DENND10: variants seen among roughly 807,000 people sequenced by gnomAD.
The protein encoded by DENND10 is DENN domain containing 10.
Under a neutral mutation model 43.6 loss-of-function variants are expected in DENND10, and 24 were observed. That is an observed-to-expected ratio of 0.55 (90% CI 0.40 to 0.77). The LOEUF is 0.77. Ranked by LOEUF, DENND10 falls within the 30% of genes least tolerant of loss-of-function variation. The probability of loss-of-function intolerance (pLI) is 0.00; values close to 1 mark genes in which losing one functional copy is unlikely to be tolerated. For synonymous variants in DENND10, 125 were observed against 157.6 expected, an observed-to-expected ratio of 0.79 and a Z score of 1.55; for missense variants, 303 against 429.9, an observed-to-expected ratio of 0.70 and a Z score of 2.61.
At chr10:119,130,545 G>T (rs1846034957) in intron 7 of DENND10, among the ~76,000 whole-genome samples, 1 of 152,194 alleles carries the variant, frequency 6.6e-6, no homozygotes, top group South Asian at 2.1e-4. Flanking sequence ...TGATCCACTG[G>T]CCTCAGCCTC....
chr10:119,124,922 T>C (rs1845757153), intron 6 of DENND10, among the ~76,000 whole-genome samples: 1 of 152,082 alleles, frequency 6.6e-6, no homozygotes, highest in African/African-American at 2.4e-5. Context: ...AAAATAAAAT[T>C]TAAAAAATGC....
intron 5 of DENND10, 38 bp from the exon 6 acceptor site, chr10:119,123,431 G>C (rs755603453): frequency 6.7e-7 from 1 of 1,483,704 alleles, no homozygotes; most frequent in South Asian, 1.1e-5. Context: ...TTAAGGTGTG[G>C]ACCAGCAACA....
intron 2 of DENND10, among the ~76,000 whole-genome samples, chr10:119,110,003 A>G (rs1336151992): frequency 2.0e-5 from 3 of 151,846 alleles, no homozygotes; most frequent in African/African-American, 7.3e-5. Flanking sequence ...TGTAGAGATG[A>G]GGTCTCACTC....
intron 6 of DENND10, among the ~76,000 whole-genome samples, chr10:119,126,304 T>C (rs916143177): frequency 2.0e-5 from 3 of 152,180 alleles, no homozygotes; most frequent in African/African-American, 7.2e-5. Flanking sequence ...TTTCCTTTTT[T>C]GGGGGTAAAT....
At chr10:119,111,986 A>C in intron 3 of DENND10, 58 bp downstream of exon 3, 1 of 1,280,470 alleles carries the variant, frequency 7.8e-7, no homozygotes, top group Non-Finnish European at 1.1e-6. Flanking sequence ...TAGTATAGTT[A>C]CATAGCAGAT....
chr10:119,128,605 C>CAA (rs144367027), intron 6 of DENND10, among the ~76,000 whole-genome samples: 11,391 of 140,230 alleles, frequency 0.081, 1,145 homozygotes, highest in African/African-American at 0.24. Context: ...GAGACTGTCT[C>CAA]AAAAAAAAAA....
chr10:119,116,835 AT>A lies in DENND10; in HGVS notation c.333-669del, dbSNP rs80097276. Among the ~76,000 whole-genome samples, 425 of 144,588 alleles carry A rather than the reference AT, an allele frequency of 2.9e-3. 4 individuals carry two copies. The highest frequency in any genetic ancestry group is 9.3e-3 in the East Asian group (45 of 4,856). The allele number at this position is 144,588 out of a possible 152,430, so 94.9% of individuals were successfully genotyped here. A position where few individuals can be genotyped will look rare whatever the true frequency, so the allele number is the denominator to read the frequency against. On this transcript the variant is annotated intron_variant, in intron 3 of 8. Transcript: ENST00000361432. ...AGGCATGTACTGCCACACCTGGCTA[AT>A]TTTTTTTTTTTTTTGGTATTTTTAG...
chr10:119,135,378 T>A (rs1008396079), intron 8 of DENND10, among the ~76,000 whole-genome samples: 46 of 152,162 alleles, frequency 3.0e-4, no homozygotes, highest in African/African-American at 1.1e-3. Flanking sequence ...CTTCAGCAGA[T>A]GAATGGGCAA....
intron 2 of DENND10, among the ~76,000 whole-genome samples, chr10:119,108,481 CAAAA>C (rs371995219): frequency 1.0e-5 from 1 of 98,958 alleles, no homozygotes. Context: ...GACTCCGTCT[CAAAA>C]AAAAAAAAAA....
At chr10:119,108,227 G>T in intron 2 of DENND10, 63 bp downstream of exon 2, 2 of 1,179,052 alleles carry the variant, frequency 1.7e-6, no homozygotes, top group Middle Eastern at 2.5e-4. Context: ...GCTCATGCCT[G>T]TAATCCCAGC....
rs758451240 is a variant in DENND10, at chr10:119,111,876, G to A, written c.280G>A (p.Ala94Thr). Residue 94 changes from alanine (A) to threonine (T), a missense_variant, in exon 3 of 9, where the codon GCC becomes ACC. Transcript: ENST00000361432. ...KVTHFSIVLT[A>T]KDFNPEKYAA... The stretch of plus-strand genomic sequence containing the variant: ...GACTCATTTTTCTATTGTCCTGACC[G>A]CCAAAGATTTTAACCCAGAGAAGTA... 27 of 1,613,206 alleles carry A rather than the reference G, an allele frequency of 1.7e-5. No homozygotes were observed. The highest frequency in any genetic ancestry group is 5.5e-5 in the South Asian group (5 of 91,062).
chr10:119,108,841 A>G (rs930740273), intron 2 of DENND10, among the ~76,000 whole-genome samples: 1 of 151,422 alleles, frequency 6.6e-6, no homozygotes, highest in Non-Finnish European at 1.5e-5. Context: ...TTTTTAGTAG[A>G]GACAGGTTTT....
chr10:119,104,401 C>T (rs973118038), intron 1 of DENND10, among the ~76,000 whole-genome samples: 7 of 151,388 alleles, frequency 4.6e-5, no homozygotes, highest in African/African-American at 1.7e-4. Flanking sequence ...CTCGCCCGCC[C>T]GCCCGCGGCC....
intron 1 of DENND10, among the ~76,000 whole-genome samples, chr10:119,107,059 T>C (rs1483434714): frequency 1.4e-5 from 2 of 143,188 alleles, no homozygotes; most frequent in African/African-American, 5.3e-5. Flanking sequence ...TAAAGAATTA[T>C]TCCGCCCAGC....
chr10:119,135,972 T>A (rs1328756044), intron 8 of DENND10, among the ~76,000 whole-genome samples: 1 of 151,936 alleles, frequency 6.6e-6, no homozygotes, highest in Non-Finnish European at 1.5e-5. Flanking sequence ...GCCCAGGAGT[T>A]TGAGACCAGC....
intron 6 of DENND10, among the ~76,000 whole-genome samples, chr10:119,126,902 CTT>C (rs1312302019): frequency 2.2e-4 from 30 of 137,372 alleles, no homozygotes; most frequent in Non-Finnish European, 2.2e-4. Flanking sequence ...TTTTTCTTTT[CTT>C]TTTTTTTTTT....
At chr10:119,135,597 C>T (rs781255115) in intron 8 of DENND10, among the ~76,000 whole-genome samples, 5 of 151,684 alleles carry the variant, frequency 3.3e-5, no homozygotes, top group Non-Finnish European at 5.9e-5. Context: ...CTATCTAGAG[C>T]AGACAAATTC....
rs1447727094 is a variant in DENND10, at chr10:119,124,660, A to G, written c.694+1091A>G. On this transcript the variant is annotated intron_variant, in intron 6 of 8. Coordinates refer to ENST00000361432, the MANE Select transcript of DENND10 (RefSeq NM_207009.4). ...TGGCCTCCCACACTGTTGGGATTAC[A>G]GGTGTCAGCTGCTACGCACAGCTAC... Among the ~76,000 whole-genome samples, 3 of 152,120 alleles carry G rather than the reference A, an allele frequency of 2.0e-5. No homozygotes were observed. In the East Asian group the frequency reaches 5.8e-4, roughly 29 times the overall value.
chr10:119,108,542 T>C (rs1844816602), intron 2 of DENND10, among the ~76,000 whole-genome samples: 1 of 152,034 alleles, frequency 6.6e-6, no homozygotes, highest in African/African-American at 2.4e-5. Flanking sequence ...AATACTCTGT[T>C]TCACACTTCA....
Sources: allele counts gnomAD v4.1 joint callset (sites outside exome capture counted in the v4.1 genomes callset), GRCh38; gene constraint gnomAD v4.1.1; transcripts MANE v1.5; gene names NCBI Gene and HGNC (gene_info 2026-07-23, HGNC 2026-07-21).